The following NEK10 variants were observed in gnomAD, a reference collection of about 807,000 sequenced individuals.
NEK10 encodes the protein NIMA related kinase 10.
Under a neutral mutation model 159.8 loss-of-function variants are expected in NEK10, and 122 were observed. The observed-to-expected ratio is 0.76, with a 90% confidence interval of 0.66 to 0.89. The LOEUF (loss-of-function observed/expected upper bound fraction) is 0.89. NEK10 is among the 40% of genes least tolerant of loss of function. NEK10 has a pLI of 0.00. For synonymous variants in NEK10, 466 were observed against 457.1 expected, an observed-to-expected ratio of 1.02 and a Z score of -0.25; for missense variants, 1,342 against 1,323.1, an observed-to-expected ratio of 1.01 and a Z score of -0.22.
At chr3:27,278,632 A>G (rs1459617323) in intron 22 of NEK10, 10 of 872,954 alleles carry the variant, frequency 1.1e-5, no homozygotes, top group Middle Eastern at 5.8e-4. Context: ...GTCATGTACT[A>G]AAGTCCATGC....
At chr3:27,179,906 C>T (rs1416480683) in intron 26 of NEK10, among the ~76,000 whole-genome samples, 1 of 152,006 alleles carries the variant, frequency 6.6e-6, no homozygotes. Flanking sequence ...CAAGGTGAAA[C>T]CTGGTCTCTA....
chr3:27,148,471 A>G (rs182195127), intron 30 of NEK10, among the ~76,000 whole-genome samples: 1 of 152,306 alleles, frequency 6.6e-6, no homozygotes, highest in East Asian at 1.9e-4. Context: ...CTCATGTGCA[A>G]CAGACTCCAC....
chr3:27,326,972 C>A (rs1352942), intron 5 of NEK10, among the ~76,000 whole-genome samples: 1 of 152,232 alleles, frequency 6.6e-6, no homozygotes, highest in Non-Finnish European at 1.5e-5. Flanking sequence ...TGTTTGCCAC[C>A]AGCTGAGGGA....
At position 27,312,756 on chromosome 3, in the gene NEK10, A is replaced by G. The variant is rs548740640; in HGVS notation, c.490-579T>C. On this transcript the variant is annotated intron_variant, in intron 7 of 35. Transcript: ENST00000691995. ...TATTATAATGGAAGTTAAAATGGATAAGAAGATGCTTTGTAACATAATCTT... is the reference window on the plus strand; with the variant it reads ...TATTATAATGGAAGTTAAAATGGATGAGAAGATGCTTTGTAACATAATCTT... Among the ~76,000 whole-genome samples the G allele has an allele frequency of 4.3e-4, 66 of 152,308 alleles. 1 individual carries two copies. The highest frequency in any genetic ancestry group is 1.9e-3 in the South Asian group (9 of 4,830).
In NEK10 at chr3:27,322,158, T is replaced by A. The variant is rs1331995546; in HGVS notation, c.447+19A>T. 5.3e-5 allele frequency: 66 copies of A among 1,245,532 alleles called. No homozygotes were observed. Among genetic ancestry groups the A allele is most frequent in the South Asian group, 1.2e-4 (8 of 67,666 alleles). The allele number at this position is 1,245,532 out of a possible 1,614,324, so 77.2% of individuals were successfully genotyped here. On this transcript the variant is annotated intron_variant, in intron 6 of 35. Coordinates refer to ENST00000691995, the MANE Select transcript of NEK10 (RefSeq NM_001394966.1). ...ACTTTATAACAAGTAAAAAAAAAAA[T>A]TGTATTTTTCCAACCAACCTGATAA... is the stretch of plus-strand genomic sequence containing the variant.
At chr3:27,213,132 AACCCACTCCC>A (rs2149106027) in intron 23 of NEK10, among the ~76,000 whole-genome samples, 1 of 152,312 alleles carries the variant, frequency 6.6e-6, no homozygotes, top group Admixed American at 6.5e-5. Flanking sequence ...CCCTATGCTC[AACCCACTCCC>A]ACCTGTGAAG....
chr3:27,141,193 C>T (rs1013433073), intron 31 of NEK10, among the ~76,000 whole-genome samples: 4 of 152,116 alleles, frequency 2.6e-5, no homozygotes, highest in South Asian at 2.1e-4. Flanking sequence ...ATCCCAACTC[C>T]GTCTCCACTT....
intron 5 of NEK10, among the ~76,000 whole-genome samples, chr3:27,342,609 C>T (rs938740072): frequency 3.3e-5 from 5 of 152,140 alleles, no homozygotes; most frequent in African/African-American, 1.2e-4. Flanking sequence ...GCCTAAGATG[C>T]TCCTTTAATC....
chr3:27,312,081 C>T lies in NEK10; in HGVS notation c.568+18G>A. On this transcript the variant is annotated intron_variant, in intron 8 of 35. Transcript: ENST00000691995. ...AGCAAGTCCACAAAAATGGCTGTGT[C>T]CCTGCAATAACACTTACATGTCATG... 6.4e-7 allele frequency: 1 copy of T among 1,565,848 alleles called. No individual in the cohort carries two copies. The highest frequency in any genetic ancestry group is 1.1e-5 in the South Asian group (1 of 89,458).
At chr3:27,176,703 T>C (rs865885293) in intron 26 of NEK10, among the ~76,000 whole-genome samples, 47 of 152,162 alleles carry the variant, frequency 3.1e-4, no homozygotes, top group African/African-American at 1.1e-3. Context: ...GCCTTTTCCT[T>C]CTTATGACCT....
intron 25 of NEK10, 27 bp from the exon 26 acceptor site, chr3:27,192,269 ACT>A: frequency 6.4e-7 from 1 of 1,562,354 alleles, no homozygotes. Flanking sequence ...TAATTATAAC[ACT>A]CTGGTCAATG....
intron 30 of NEK10, among the ~76,000 whole-genome samples, chr3:27,151,345 C>T (rs573454379): frequency 6.6e-6 from 1 of 152,182 alleles, no homozygotes; most frequent in African/African-American, 2.4e-5. Flanking sequence ...GTGCAGAAAA[C>T]CCTCAGTACC....
chr3:27,300,170 G>A (rs1426158667), intron 13 of NEK10, among the ~76,000 whole-genome samples: 2 of 152,176 alleles, frequency 1.3e-5, no homozygotes, highest in African/African-American at 2.4e-5. Flanking sequence ...GTCATGGGAG[G>A]AACCCAGTGA....
chr3:27,347,502 CAAAAAAAA>C (rs35966643), intron 3 of NEK10, among the ~76,000 whole-genome samples: 5 of 63,438 alleles, frequency 7.9e-5, no homozygotes, highest in African/African-American at 2.1e-4. Flanking sequence ...AACTCCGTCT[CAAAAAAAA>C]AAAAAAAAAA....
chr3:27,309,136 G>A (rs2044475677), intron 9 of NEK10, 131 bp from the exon 10 acceptor site: 2 of 457,316 alleles, frequency 4.4e-6, no homozygotes, highest in African/African-American at 2.6e-5. Context: ...GATCATATAG[G>A]CTTAACTGTT....
intron 22 of NEK10, among the ~76,000 whole-genome samples, chr3:27,277,257 G>A (rs755649993): frequency 7.6e-6 from 1 of 132,358 alleles, no homozygotes; most frequent in African/African-American, 2.8e-5. Context: ...ATCACCCTAA[G>A]CTGCTGAACC....
chr3:27,240,053 A>G (rs965965144), intron 23 of NEK10, among the ~76,000 whole-genome samples: 6 of 152,222 alleles, frequency 3.9e-5, no homozygotes, highest in Admixed American at 3.9e-4. Context: ...GTTCCTTTTC[A>G]GGTTTCTCTA....
chr3:27,321,282 G>C (rs7651661), intron 6 of NEK10, among the ~76,000 whole-genome samples: 58,167 of 152,112 alleles, frequency 0.38, 13,942 homozygotes, highest in African/African-American at 0.69. Flanking sequence ...TGGGAAACTT[G>C]TTAGAAATGA....
intron 33 of NEK10, among the ~76,000 whole-genome samples, chr3:27,117,866 G>A (rs1940705275): frequency 6.6e-6 from 1 of 152,038 alleles, no homozygotes. Context: ...AATTGCTTTT[G>A]GCATTTTCGT....
Sources: gnomAD v4.1 joint callset for allele counts (sites outside exome capture counted in the v4.1 genomes callset) on GRCh38, gnomAD v4.1.1 for gene constraint, MANE v1.5 for transcripts, NCBI Gene and HGNC (gene_info 2026-07-23, HGNC 2026-07-21) for gene names.